The following DNAI4 variants were observed in gnomAD, a reference collection of about 807,000 sequenced individuals.
DNAI4 encodes the protein dynein axonemal intermediate chain 4.
In DNAI4, 85 loss-of-function variants were observed where a neutral mutation model predicts 105.8. The ratio of observed to expected loss-of-function variants is 0.80; its 90% CI spans 0.67 to 0.96. DNAI4 has a LOEUF of 0.96. Among genes scored for constraint, DNAI4 ranks in the 40% least tolerant of loss-of-function variants. DNAI4 has a pLI of 0.00. For synonymous variants in DNAI4, 352 were observed against 331.5 expected, an observed-to-expected ratio of 1.06 and a Z score of -0.67; for missense variants, 1,014 against 1,005.6, an observed-to-expected ratio of 1.01 and a Z score of -0.11.
At chr1:66,876,523 G>C (rs1467888118) in intron 4 of DNAI4, among the ~76,000 whole-genome samples, 1 of 152,118 alleles carries the variant, frequency 6.6e-6, no homozygotes, top group Non-Finnish European at 1.5e-5. Context: ...CAACCTTCTT[G>C]ATGGCAGAGG....
chr1:66,822,537 T>C lies in DNAI4; in HGVS notation c.2340-20A>G, dbSNP rs1477150295. The C allele has an allele frequency of 6.5e-7, 1 of 1,549,190 alleles. No homozygotes were observed. The highest frequency in any genetic ancestry group is 2.1e-5 in the Admixed American group (1 of 47,694). On this transcript the variant is annotated intron_variant, in intron 15 of 16. Coordinates refer to ENST00000371026, the MANE Select transcript of DNAI4 (RefSeq NM_024763.5). ...TCCAAACTGTAATGAAATATTTTAT[T>C]TGTAAATTCAATTGTTATATTAATA...
At chr1:66,870,975 T>A in intron 6 of DNAI4, 1 of 166,366 alleles carries the variant, frequency 6.0e-6, no homozygotes, top group East Asian at 1.7e-4. Flanking sequence ...GGAAGCATAA[T>A]AGTATCTACC....
intron 4 of DNAI4, among the ~76,000 whole-genome samples, chr1:66,889,146 T>C (rs1032440506): frequency 6.6e-6 from 1 of 152,206 alleles, no homozygotes; most frequent in Non-Finnish European, 1.5e-5. Flanking sequence ...CCTCTTTCTT[T>C]TAATAGAAAT....
In DNAI4 at chr1:66,834,156, A is replaced by C; in HGVS notation, c.1734-8T>G. 6.3e-7 allele frequency: 1 copy of C among 1,588,048 alleles called. No individual in the cohort carries two copies. Among genetic ancestry groups the C allele is most frequent in the South Asian group, 1.2e-5 (1 of 85,000 alleles). ...TGTTTTTGAGGTGATTCACTAAAAC[A>C]GTAAAAAAAATACTAAACATATAAT... On this transcript the variant is annotated splice_polypyrimidine_tract_variant and splice_region_variant and intron_variant, in intron 11 of 16. Transcript: ENST00000371026.
chr1:66,866,716 C>T (rs1201856080), intron 6 of DNAI4, among the ~76,000 whole-genome samples: 3 of 151,972 alleles, frequency 2.0e-5, no homozygotes, highest in Non-Finnish European at 4.4e-5. Context: ...TTTATTCTAC[C>T]ATCATACTTG....
intron 2 of DNAI4, among the ~76,000 whole-genome samples, chr1:66,904,487 G>A (rs1169244929): frequency 6.6e-6 from 1 of 152,010 alleles, no homozygotes; most frequent in Non-Finnish European, 1.5e-5. Flanking sequence ...ATCTACTCTG[G>A]TGAAGTGTTA....
In DNAI4 at chr1:66,909,285, T is replaced by TACACACACACACACACACACACACAC. The variant is rs71058481; in HGVS notation, c.171-3936_171-3911dup. Reference sequence around the variant, plus strand: ...CCTATTTATTGTTGCCACCTCTCTCTACACACACACACACACACACACACA... The same window carrying TACACACACACACACACACACACACAC: ...CCTATTTATTGTTGCCACCTCTCTCTACACACACACACACACACACACACACACACACACACACACACACACACACA... On this transcript the variant is annotated intron_variant, in intron 1 of 16. Transcript: ENST00000371026. 4.2e-3 allele frequency among the ~76,000 whole-genome samples: 562 copies of TACACACACACACACACACACACACAC among 134,518 alleles called. 6 individuals carry two copies. The highest frequency in any genetic ancestry group is 6.8e-3 in the African/African-American group (232 of 34,120). 88.2% of individuals were successfully genotyped at this position (134,518 alleles called of 152,430 possible).
At chr1:66,816,179 T>TA (rs1310076197) in intron 16 of DNAI4, among the ~76,000 whole-genome samples, 2 of 152,034 alleles carry the variant, frequency 1.3e-5, no homozygotes, top group Non-Finnish European at 2.9e-5. Flanking sequence ...GATTAAAAGT[T>TA]AAAAAAATTA....
intron 1 of DNAI4, among the ~76,000 whole-genome samples, chr1:66,908,403 A>C (rs1202229623): frequency 3.3e-5 from 5 of 152,128 alleles, no homozygotes; most frequent in African/African-American, 4.8e-5. Flanking sequence ...GTGCCACTAT[A>C]CCTGTCCTAA....
At chr1:66,858,599 A>G (rs1646556252) in intron 7 of DNAI4, among the ~76,000 whole-genome samples, 1 of 151,378 alleles carries the variant, frequency 6.6e-6, no homozygotes, top group Non-Finnish European at 1.5e-5. Context: ...ACCAATGTAT[A>G]AAAAGAATTA....
intron 15 of DNAI4, among the ~76,000 whole-genome samples, chr1:66,823,388 T>C (rs909077444): frequency 1.3e-5 from 2 of 152,158 alleles, no homozygotes; most frequent in Non-Finnish European, 2.9e-5. Context: ...TGTGTCTTTA[T>C]AGCAACATGA....
At chr1:66,817,339 TA>T (rs1395125027) in intron 16 of DNAI4, among the ~76,000 whole-genome samples, 3 of 152,064 alleles carry the variant, frequency 2.0e-5, no homozygotes, top group African/African-American at 7.2e-5. Flanking sequence ...TGAGGACGCT[TA>T]GGTGGGCAAA....
At chr1:66,871,865 T>C (rs1258591490) in intron 5 of DNAI4, among the ~76,000 whole-genome samples, 1 of 152,220 alleles carries the variant, frequency 6.6e-6, no homozygotes, top group Non-Finnish European at 1.5e-5. Flanking sequence ...TGTATGTAAA[T>C]GTGTCTGTTT....
At chr1:66,837,006 G>A (rs965580296) in intron 10 of DNAI4, among the ~76,000 whole-genome samples, 8 of 152,186 alleles carry the variant, frequency 5.3e-5, no homozygotes, top group Middle Eastern at 3.4e-3. Flanking sequence ...TTTCATATCT[G>A]TTCAGAATAA....
chr1:66,868,515 T>C (rs537488238), intron 6 of DNAI4, among the ~76,000 whole-genome samples: 4 of 152,206 alleles, frequency 2.6e-5, no homozygotes, highest in Non-Finnish European at 4.4e-5. Context: ...TGAATAGAAT[T>C]AGAAGGTGGA....
rs189942331 is a variant in DNAI4, at chr1:66,845,066, G to A, written c.1291+2418C>T. Among the ~76,000 whole-genome samples, 450 of 151,366 alleles carry A rather than the reference G, an allele frequency of 3.0e-3. 1 individual carries two copies. Among genetic ancestry groups the A allele is most frequent in the Non-Finnish European group, 3.4e-3 (231 of 67,812 alleles). ...AAATTAGCCGGGTGTGGTGGTGGGC[G>A]CCTGTAATCCCAGCTACTTGGGAGG... On this transcript the variant is annotated intron_variant, in intron 8 of 16. Transcript: ENST00000371026.
chr1:66,901,978 G>T (rs1040623212), intron 2 of DNAI4, among the ~76,000 whole-genome samples: 1 of 151,850 alleles, frequency 6.6e-6, no homozygotes, highest in Admixed American at 6.6e-5. Context: ...ATAGAGATGG[G>T]GTCTTGCTAT....
At chr1:66,852,927 G>A (rs1473787839) in intron 7 of DNAI4, among the ~76,000 whole-genome samples, 9 of 152,164 alleles carry the variant, frequency 5.9e-5, no homozygotes, top group Non-Finnish European at 1.2e-4. Context: ...TCTGCAACAT[G>A]GAAGAGGGCT....
intron 2 of DNAI4, among the ~76,000 whole-genome samples, chr1:66,898,020 G>A (rs1648475170): frequency 6.6e-6 from 1 of 152,148 alleles, no homozygotes; most frequent in South Asian, 2.1e-4. Flanking sequence ...ACAGGGTCAG[G>A]GATGCCCAAG....
Sources: allele counts gnomAD v4.1 joint callset (sites outside exome capture counted in the v4.1 genomes callset), GRCh38; gene constraint gnomAD v4.1.1; transcripts MANE v1.5; gene names NCBI Gene and HGNC (gene_info 2026-07-23, HGNC 2026-07-21).